Variants in GABRG1 observed in about 807,000 individuals in gnomAD.
GABRG1 encodes the protein gamma-aminobutyric acid receptor subunit gamma-1.
A neutral mutation model predicts 49.8 loss-of-function variants in GABRG1; 49 were observed. That is an observed-to-expected ratio of 0.98 (90% confidence interval 0.78 to 1.25). The LOEUF (loss-of-function observed/expected upper bound fraction) is 1.25, where lower values mean the gene tolerates loss of function less well. Ranked by LOEUF, GABRG1 falls within the 50% of genes most tolerant of loss-of-function variation. GABRG1 has a pLI of 0.00. For synonymous variants in GABRG1, 232 were observed against 185.1 expected (o/e 1.25, Z -2.06); for missense variants, 552 against 552.3 (o/e 1.00, Z 0.01).
intron 1 of GABRG1, among the ~76,000 whole-genome samples, chr4:46,102,869 A>G (rs1720426559): frequency 6.6e-6 from 1 of 151,728 alleles, no homozygotes; most frequent in Non-Finnish European, 1.5e-5. Flanking sequence ...AAAATTATGA[A>G]GAAAATCCAT....
At chr4:46,079,352 C>T (rs1393562811) in intron 3 of GABRG1, among the ~76,000 whole-genome samples, 1 of 151,862 alleles carries the variant, frequency 6.6e-6, no homozygotes, top group African/African-American at 2.4e-5. Context: ...GTCTCCGTTA[C>T]TAAGAGGAAT....
At chr4:46,058,726 T>C in intron 5 of GABRG1, 104 bp from the exon 6 acceptor site, 2 of 801,496 alleles carry the variant, frequency 2.5e-6, no homozygotes, top group Non-Finnish European at 3.9e-6. Context: ...TCTTTTTTTA[T>C]TACAAGATAT....
chr4:46,046,138 T>C (rs1313035057), intron 8 of GABRG1, among the ~76,000 whole-genome samples: 1 of 152,134 alleles, frequency 6.6e-6, no homozygotes, highest in East Asian at 1.9e-4. Context: ...TTATGAATTG[T>C]TCTATTTGTT....
intron 8 of GABRG1, among the ~76,000 whole-genome samples, chr4:46,046,515 T>C (rs1718005755): frequency 6.6e-6 from 1 of 152,128 alleles, no homozygotes; most frequent in Non-Finnish European, 1.5e-5. Flanking sequence ...AATACTATTA[T>C]AAGAAAGAAT....
intron 3 of GABRG1, among the ~76,000 whole-genome samples, chr4:46,075,564 A>G (rs914853877): frequency 6.6e-6 from 1 of 151,930 alleles, no homozygotes; most frequent in Non-Finnish European, 1.5e-5. Context: ...TGGCCTGAGA[A>G]CTTGGTTTTT....
At chr4:46,086,636 T>C (rs1240797327) in intron 2 of GABRG1, among the ~76,000 whole-genome samples, 1 of 151,538 alleles carries the variant, frequency 6.6e-6, no homozygotes, top group East Asian at 1.9e-4. Flanking sequence ...ATTGCAGTTA[T>C]CACACATAAT....
chr4:46,108,635 T>C (rs1236035916), intron 1 of GABRG1, among the ~76,000 whole-genome samples: 1 of 150,838 alleles, frequency 6.6e-6, no homozygotes. Context: ...ATTTTTTTTT[T>C]GTTTATGGAT....
At chr4:46,117,180 A>G (rs915336142) in intron 1 of GABRG1, among the ~76,000 whole-genome samples, 7 of 150,580 alleles carry the variant, frequency 4.6e-5, no homozygotes, top group Non-Finnish European at 1.0e-4. Context: ...TCACTATTTT[A>G]TAATCATAAA....
chr4:46,063,364 A>G (rs76921205), intron 5 of GABRG1, among the ~76,000 whole-genome samples: 76,354 of 151,324 alleles, frequency 0.5, 19,851 homozygotes, highest in African/African-American at 0.62. Context: ...AAATAACGCC[A>G]CATATCTACA....
At chr4:46,097,387 T>A (rs1035784536) in intron 1 of GABRG1, 38 bp from the exon 2 acceptor site, 27 of 1,562,194 alleles carry the variant, frequency 1.7e-5, no homozygotes, top group Non-Finnish European at 2.2e-5. Flanking sequence ...GGTAGAAGGT[T>A]CAATCAAATC....
At chr4:46,103,620 A>G (rs374841322) in intron 1 of GABRG1, among the ~76,000 whole-genome samples, 21 of 151,672 alleles carry the variant, frequency 1.4e-4, no homozygotes, top group East Asian at 9.8e-4. Context: ...TACTCAATCA[A>G]GAAATCCAAA....
intron 5 of GABRG1, among the ~76,000 whole-genome samples, chr4:46,062,459 C>T (rs972190968): frequency 9.2e-5 from 14 of 152,138 alleles, no homozygotes; most frequent in African/African-American, 3.4e-4. Context: ...ACACTGATTT[C>T]CACAATGGTT....
intron 8 of GABRG1, among the ~76,000 whole-genome samples, chr4:46,047,834 G>T (rs1333382670): frequency 2.6e-5 from 4 of 151,784 alleles, no homozygotes; most frequent in Non-Finnish European, 5.9e-5. Flanking sequence ...TATTATGTTT[G>T]TATTTGCGAT....
At chr4:46,046,397 A>G (rs73142807) in intron 8 of GABRG1, among the ~76,000 whole-genome samples, 8,275 of 152,150 alleles carry the variant, frequency 0.054, 374 homozygotes, top group African/African-American at 0.11. Context: ...TACTCTATCT[A>G]TTGAAAACAT....
intron 1 of GABRG1, among the ~76,000 whole-genome samples, chr4:46,100,551 T>C (rs1336461429): frequency 6.6e-6 from 1 of 151,538 alleles, no homozygotes; most frequent in East Asian, 2.0e-4. Context: ...TAATTAGACT[T>C]GTTGAGATAT....
chr4:46,086,922 G>A (rs1270745877), intron 2 of GABRG1, among the ~76,000 whole-genome samples: 1 of 148,544 alleles, frequency 6.7e-6, no homozygotes, highest in Non-Finnish European at 1.5e-5. Context: ...GAAAGCAAAG[G>A]AATAAAAGAA....
chr4:46,111,753 T>A (rs1380179679), intron 1 of GABRG1, among the ~76,000 whole-genome samples: 4 of 151,362 alleles, frequency 2.6e-5, no homozygotes, highest in Non-Finnish European at 5.9e-5. Flanking sequence ...GGACTCTCTA[T>A]TCAATAAATG....
chr4:46,100,968 T>G lies in GABRG1; in HGVS notation c.105-3619A>C, dbSNP rs563142535. Among the ~76,000 whole-genome samples the G allele has an allele frequency of 4.0e-5, 6 of 151,688 alleles. No homozygotes were observed. In the South Asian group the frequency reaches 6.2e-4, roughly 16 times the overall value. ...ATGCTCAGAATGTTCATTAATTACT[T>G]TGAATATTACATTGGTGTTATCTTG... On this transcript the variant is annotated intron_variant, in intron 1 of 8. Transcript: ENST00000295452.
intron 1 of GABRG1, among the ~76,000 whole-genome samples, chr4:46,120,450 T>C (rs1314195086): frequency 6.6e-6 from 1 of 151,802 alleles, no homozygotes; most frequent in African/African-American, 2.4e-5. Flanking sequence ...ATACTGATTG[T>C]TTGGATAAAC....
Sources: allele counts gnomAD v4.1 joint callset (sites outside exome capture counted in the v4.1 genomes callset), GRCh38; gene constraint gnomAD v4.1.1; transcripts MANE v1.5; gene names NCBI Gene and HGNC (gene_info 2026-07-23, HGNC 2026-07-21).